LINGO1: variants seen among roughly 807,000 people sequenced by gnomAD.
LINGO1 encodes leucine rich repeat and Ig domain containing 1.
A neutral mutation model predicts 37.3 loss-of-function variants in LINGO1; 11 were observed. The observed-to-expected ratio is 0.29, with a 90% confidence interval of 0.19 to 0.49. The LOEUF (loss-of-function observed/expected upper bound fraction) is 0.49, where lower values mean the gene tolerates loss of function less well. Among genes scored for constraint, LINGO1 ranks in the 20% least tolerant of loss-of-function variants. The pLI is 0.99. For missense variants in LINGO1, 585 were observed against 878.2 expected (o/e 0.67, Z 4.22); for synonymous variants, 387 against 403.0 (o/e 0.96, Z 0.48).
intron 3 of LINGO1, among the ~76,000 whole-genome samples, chr15:77,664,170 T>TGTGTGTGTGTGTGCGCGCGC: frequency 9.9e-5 from 13 of 131,008 alleles, no homozygotes; most frequent in African/African-American, 4.0e-4. Context: ...TGTGTGTGTG[T>TGTGTGTGTGTGTGCGCGCGC]GCGCGCGCGC....
intron 2 of LINGO1, among the ~76,000 whole-genome samples, chr15:77,716,602 T>A (rs2141302844): frequency 6.7e-6 from 1 of 150,302 alleles, no homozygotes; most frequent in Middle Eastern, 3.4e-3. Context: ...GACTCAGGCA[T>A]ACACAACATG....
upstream of LINGO1, among the ~76,000 whole-genome samples, chr15:77,697,682 G>C (rs1225279065): frequency 6.6e-6 from 1 of 152,242 alleles, no homozygotes; most frequent in Non-Finnish European, 1.5e-5. Context: ...AGGAAGGTGA[G>C]AGATGACAAC....
chr15:77,677,707 G>A (rs997236836), intron 2 of LINGO1, among the ~76,000 whole-genome samples: 6 of 151,922 alleles, frequency 3.9e-5, no homozygotes, highest in Admixed American at 6.6e-5. Context: ...AGCTGACCCC[G>A]CCTTGGGAAC....
chr15:77,767,442 T>G (rs929276123), intron 1 of LINGO1, among the ~76,000 whole-genome samples: 1 of 152,146 alleles, frequency 6.6e-6, no homozygotes, highest in African/African-American at 2.4e-5. Context: ...TTCTGGAAGC[T>G]ATTAGAGGGT....
At chr15:77,667,025 G>C (rs2075144771) in intron 3 of LINGO1, 1 of 152,398 alleles carries the variant, frequency 6.6e-6, no homozygotes, top group Admixed American at 6.5e-5. Context: ...TTGGAGGAGA[G>C]GATACTGACC....
chr15:77,675,026 C>A (rs532008266), intron 3 of LINGO1, among the ~76,000 whole-genome samples: 5 of 152,182 alleles, frequency 3.3e-5, no homozygotes, highest in South Asian at 2.1e-4. Context: ...AAATGGCCAA[C>A]AAGCATATGC....
intron 2 of LINGO1, among the ~76,000 whole-genome samples, chr15:77,731,111 C>A (rs117152051): frequency 3.2e-4 from 48 of 152,306 alleles, no homozygotes; most frequent in African/African-American, 1.0e-3. Flanking sequence ...ATTCCGGGTA[C>A]CTTCCAGCCC....
intron 1 of LINGO1, among the ~76,000 whole-genome samples, chr15:77,778,661 T>C (rs2076685425): frequency 1.3e-5 from 2 of 152,312 alleles, no homozygotes; most frequent in South Asian, 4.1e-4. Context: ...TTTCAAAATC[T>C]ATCCAGAATC....
intron 1 of LINGO1, among the ~76,000 whole-genome samples, chr15:77,804,861 T>C (rs1056930728): frequency 4.6e-5 from 7 of 152,088 alleles, no homozygotes; most frequent in African/African-American, 7.2e-5. Flanking sequence ...ATAGTGACCA[T>C]AGAAATGACA....
At chr15:77,738,434 C>T (rs1285337418) in intron 1 of LINGO1, among the ~76,000 whole-genome samples, 2 of 152,160 alleles carry the variant, frequency 1.3e-5, no homozygotes, top group African/African-American at 4.8e-5. Context: ...GGTTTTTGCC[C>T]TCTCGCTCCT....
chr15:77,743,960 T>C (rs1174206669), intron 1 of LINGO1, among the ~76,000 whole-genome samples: 1 of 152,170 alleles, frequency 6.6e-6, no homozygotes, highest in African/African-American at 2.4e-5. Flanking sequence ...GCCACAAGTA[T>C]TTCTTGAGCA....
At chr15:77,664,781 G>A (rs1257452514) in intron 3 of LINGO1, among the ~76,000 whole-genome samples, 1 of 152,220 alleles carries the variant, frequency 6.6e-6, no homozygotes, top group Non-Finnish European at 1.5e-5. Flanking sequence ...GCTGGACCCA[G>A]GCCTGAGAGC....
chr15:77,652,193 A>G (rs755757876), intron 3 of LINGO1: 3 of 152,230 alleles, frequency 2.0e-5, no homozygotes, highest in Non-Finnish European at 2.9e-5. Context: ...CAGAAAATCA[A>G]TGGGATAGAC....
At chr15:77,655,050 G>T (rs1431899055) in intron 3 of LINGO1, among the ~76,000 whole-genome samples, 1 of 152,202 alleles carries the variant, frequency 6.6e-6, no homozygotes, top group Non-Finnish European at 1.5e-5. Context: ...CCCTAGGGGA[G>T]GGAAAAACAG....
At chr15:77,792,833 G>A (rs2076828846) in intron 2 of LINGO1, among the ~76,000 whole-genome samples, 1 of 152,228 alleles carries the variant, frequency 6.6e-6, no homozygotes, top group African/African-American at 2.4e-5. Context: ...CGCTCAGTGA[G>A]TATGCGCTGA....
At chr15:77,692,460 T>C (rs968176084) in intron 1 of LINGO1, among the ~76,000 whole-genome samples, 2 of 152,192 alleles carry the variant, frequency 1.3e-5, no homozygotes, top group Non-Finnish European at 2.9e-5. Flanking sequence ...ATCTTTTGTA[T>C]GGCAATTGAA....
intron 1 of LINGO1, among the ~76,000 whole-genome samples, chr15:77,741,514 C>T (rs528217020): frequency 7.9e-5 from 12 of 152,314 alleles, no homozygotes; most frequent in Middle Eastern, 3.4e-3. Flanking sequence ...CCTCAGGAGC[C>T]TAGGCCCCAG....
At chr15:77,798,725 G>A (rs978575146) in intron 1 of LINGO1, among the ~76,000 whole-genome samples, 3 of 152,220 alleles carry the variant, frequency 2.0e-5, no homozygotes, top group Admixed American at 6.5e-5. Flanking sequence ...CCAAGGTTGG[G>A]GGCCTCCTAC....
At chr15:77,784,621 C>T (rs1051588227) in intron 1 of LINGO1, 5 of 152,164 alleles carry the variant, frequency 3.3e-5, no homozygotes, top group Non-Finnish European at 5.9e-5. Flanking sequence ...GAGTGTGCCT[C>T]TCCTTTTATT....
Sources: allele counts gnomAD v4.1 joint callset (sites outside exome capture counted in the v4.1 genomes callset), GRCh38; gene constraint gnomAD v4.1.1; transcripts MANE v1.5; gene names NCBI Gene and HGNC (gene_info 2026-07-23, HGNC 2026-07-21).